Variants in MYH7B observed in about 807,000 individuals in gnomAD.
MYH7B encodes myosin heavy chain 7B, also known as myosin-7B.
MYH7B carries 205 observed loss-of-function variants against 234.5 expected under a neutral mutation model. The observed-to-expected ratio is 0.87, with a 90% confidence interval of 0.78 to 0.98. The LOEUF (loss-of-function observed/expected upper bound fraction) is 0.98, where lower values mean the gene tolerates loss of function less well. Among genes scored for constraint, MYH7B ranks in the 50% least tolerant of loss-of-function variants. The pLI is 0.00. For synonymous variants in MYH7B, 1,193 were observed against 1,105.0 expected, an observed-to-expected ratio of 1.08 and a Z score of -1.58; for missense variants, 2,652 against 2,633.4, an observed-to-expected ratio of 1.01 and a Z score of -0.15.
Position 34,977,575 on chromosome 20 carries a change from G to C in MYH7B, c.-121-57G>C, listed in dbSNP as rs373208969. ...CCTTTTGTGTCCTGTGGCCAGGCTG[G>C]GGGGGCTGTGACACGTGGAGATTGC... is the stretch of plus-strand genomic sequence containing the variant. On this transcript the variant is annotated intron_variant, in intron 3 of 44. Transcript: ENST00000262873. The C allele has an allele frequency of 1.4e-4, 218 of 1,526,874 alleles. 1 individual carries two copies. The East Asian group carries it at 3.7e-3, about 26-fold the overall frequency. 94.6% of individuals were successfully genotyped at this position (1,526,874 alleles called of 1,614,324 possible).
At chr20:34,979,555 G>A (rs1051391712) in intron 6 of MYH7B, 59 bp downstream of exon 6, 3 of 1,597,866 alleles carry the variant, frequency 1.9e-6, no homozygotes, top group Admixed American at 1.7e-5. Context: ...TGGCCAACAG[G>A]ATCTGCCCTC....
At chr20:34,989,244 C>G (rs918257464) in intron 19 of MYH7B, among the ~76,000 whole-genome samples, 3 of 152,228 alleles carry the variant, frequency 2.0e-5, no homozygotes, top group Non-Finnish European at 4.4e-5. Flanking sequence ...CTGCAGTCCC[C>G]TACAGCTGGG....
chr20:34,978,572 C>T (rs985565256), intron 5 of MYH7B, among the ~76,000 whole-genome samples: 37 of 152,044 alleles, frequency 2.4e-4, no homozygotes, highest in African/African-American at 7.2e-4. Flanking sequence ...CAGTGTGTAC[C>T]GAATGCTTAT....
At chr20:34,957,484 C>CTT (rs71196770) in intron 1 of MYH7B, among the ~76,000 whole-genome samples, 38,444 of 104,338 alleles carry the variant, frequency 0.37, 7,823 homozygotes, top group South Asian at 0.54. Context: ...CCTTTTGACT[C>CTT]TTTTTTTTTT....
intron 1 of MYH7B, among the ~76,000 whole-genome samples, chr20:34,956,323 A>G (rs1185202488): frequency 6.6e-6 from 1 of 152,154 alleles, no homozygotes; most frequent in African/African-American, 2.4e-5. Flanking sequence ...TTTTTCCAGG[A>G]ATGCTGAAGT....
Position 34,993,323 on chromosome 20 carries a change from T to C in MYH7B, c.2308-11T>C, listed in dbSNP as rs1365882280. ...GGGGGTTACCCTGGCTGTCTACCTC[T>C]CCGCCCCCAGGTGTTCTTCAAGGCT... On this transcript the variant is annotated splice_polypyrimidine_tract_variant and intron_variant, in intron 25 of 44. Coordinates refer to ENST00000262873, the Ensembl canonical transcript of MYH7B. 6.2e-7 allele frequency: 1 copy of C among 1,614,064 alleles called. No homozygotes were observed. Among genetic ancestry groups the C allele is most frequent in the Admixed American group, 1.7e-5 (1 of 60,026 alleles).
intron 2 of MYH7B, among the ~76,000 whole-genome samples, chr20:34,971,793 C>G (rs1273521449): frequency 2.0e-5 from 3 of 152,170 alleles, no homozygotes; most frequent in African/African-American, 7.2e-5. Context: ...CTCTTTGATG[C>G]AAAAAATAAA....
chr20:34,977,757 G>A, intron 4 of MYH7B, 77 bp downstream of exon 4: 1 of 1,479,016 alleles, frequency 6.8e-7, no homozygotes, highest in Non-Finnish European at 9.2e-7. Flanking sequence ...CCCATGGGTG[G>A]CCGCGAGTCT....
At chr20:34,990,750 A>C in exon 23 of MYH7B, 1 of 1,614,068 alleles carries the variant, frequency 6.2e-7, no homozygotes, top group Non-Finnish European at 8.5e-7. Context: ...GAACCTCAAC[A>C]AGCTGATGAC....
At chr20:34,983,428 C>G (rs2081972077) in intron 10 of MYH7B, among the ~76,000 whole-genome samples, 1 of 151,328 alleles carries the variant, frequency 6.6e-6, no homozygotes, top group South Asian at 2.1e-4. Flanking sequence ...CTTCCCTTTC[C>G]TGCCCTGTCT....
chr20:34,985,183 C>T, intron 13 of MYH7B, 54 bp downstream of exon 13: 2 of 1,546,050 alleles, frequency 1.3e-6, no homozygotes, highest in South Asian at 2.2e-5. Flanking sequence ...GCCCGGTCAC[C>T]CCAACTCGGC....
intron 16 of MYH7B, 41 bp downstream of exon 16, chr20:34,987,328 C>T (rs757158847): frequency 1.2e-6 from 2 of 1,604,096 alleles, no homozygotes; most frequent in Admixed American, 1.7e-5. Flanking sequence ...ACCCAGACCT[C>T]AGCATCCTGT....
intron 2 of MYH7B, among the ~76,000 whole-genome samples, chr20:34,963,305 A>G (rs969648189): frequency 6.6e-6 from 1 of 152,206 alleles, no homozygotes; most frequent in African/African-American, 2.4e-5. Flanking sequence ...CTGGTTGGTC[A>G]TTGTGGTTTT....
intron 19 of MYH7B, among the ~76,000 whole-genome samples, chr20:34,988,517 T>C (rs1569045791): frequency 1.3e-5 from 2 of 152,086 alleles, no homozygotes; most frequent in African/African-American, 4.8e-5. Context: ...TGTGAATGCA[T>C]GCATCCCAGT....
chr20:35,001,460 C>T, exon 43 of MYH7B: 1 of 1,608,172 alleles, frequency 6.2e-7, no homozygotes, highest in Non-Finnish European at 8.5e-7. Context: ...ACCTGGCTCG[C>T]ATGCAGGACC....
exon 12 of MYH7B, chr20:34,984,924 G>A (rs2081993084): frequency 2.5e-6 from 4 of 1,614,016 alleles, no homozygotes; most frequent in Non-Finnish European, 3.4e-6. Flanking sequence ...AAGACCCTGA[G>A]GAATGATAAC....
chr20:34,993,012 C>G, intron 24 of MYH7B, 90 bp from the exon 25 acceptor site: 1 of 1,495,946 alleles, frequency 6.7e-7, no homozygotes, highest in South Asian at 1.3e-5. Flanking sequence ...GCTACCCACA[C>G]GAGCCTCCTC....
Position 34,997,645 on chromosome 20 carries a change from C to CA in MYH7B, c.3747+5_3747+6insA, listed in dbSNP as rs1312645528. The CA allele has an allele frequency of 1.4e-5, 22 of 1,612,994 alleles. No homozygotes were observed. The highest frequency in any genetic ancestry group is 1.9e-5 in the Non-Finnish European group (22 of 1,179,488). Reference sequence around the variant, plus strand: ...GAGACTCTGACCCGCGCCAAGGTGTCCGTGCCTTCCTCACCCCATACCCAC... The same window carrying CA: ...GAGACTCTGACCCGCGCCAAGGTGTCACGTGCCTTCCTCACCCCATACCCAC... On this transcript the variant is annotated splice_donor_region_variant and intron_variant, in intron 32 of 44. Coordinates refer to ENST00000262873, the Ensembl canonical transcript of MYH7B.
In MYH7B at chr20:34,979,588, G is replaced by T. The variant is rs78538193; in HGVS notation, c.199-73G>T. Reference sequence around the variant, plus strand: ...CTCTGGTTGAAGGGGGTCTGGGTATGTGGGTGGGGGTGACAGGTGAGGTCG... The same window carrying T: ...CTCTGGTTGAAGGGGGTCTGGGTATTTGGGTGGGGGTGACAGGTGAGGTCG... On this transcript the variant is annotated intron_variant, in intron 6 of 44. Transcript: ENST00000262873. The T allele has an allele frequency of 2.5e-3, 3,992 of 1,607,046 alleles. 84 individuals are homozygous for T. The African/African-American group carries it at 0.047, about 19-fold the overall frequency.
Sources: allele counts gnomAD v4.1 joint callset (sites outside exome capture counted in the v4.1 genomes callset), GRCh38; gene constraint gnomAD v4.1.1; transcripts MANE v1.5; gene names NCBI Gene and HGNC (gene_info 2026-07-23, HGNC 2026-07-21).